The following AMPH variants were observed in gnomAD, a reference collection of about 807,000 sequenced individuals.
AMPH encodes amphiphysin (Stiff-Mann syndrome with breast cancer 128kD autoantigen).
Under a neutral mutation model 99.1 loss-of-function variants are expected in AMPH, and 49 were observed. The observed-to-expected ratio is 0.49, with a 90% CI of 0.39 to 0.63. AMPH has a LOEUF of 0.63. Ranked by LOEUF, AMPH falls within the 20% of genes least tolerant of loss-of-function variation. AMPH has a pLI of 0.00. For synonymous variants in AMPH, 314 were observed against 317.3 expected (o/e 0.99, Z 0.11); for missense variants, 759 against 863.4 (o/e 0.88, Z 1.52).
chr7:38,558,390 C>A (rs112340644), intron 1 of AMPH, among the ~76,000 whole-genome samples: 5 of 152,172 alleles, frequency 3.3e-5, no homozygotes, highest in Non-Finnish European at 7.4e-5. Context: ...AAAGAGAGAG[C>A]CTTTGGCAAT....
At chr7:38,497,647 G>T (rs921036201) in intron 3 of AMPH, among the ~76,000 whole-genome samples, 1 of 152,158 alleles carries the variant, frequency 6.6e-6, no homozygotes, top group African/African-American at 2.4e-5. Flanking sequence ...AAGCAGCAGC[G>T]ATAAACCATT....
At position 38,465,489 on chromosome 7, in the gene AMPH, A is replaced by G; in HGVS notation, c.727T>C (p.Phe243Leu). Residue 243 changes from phenylalanine (F) to leucine (L), a missense_variant, in exon 9 of 21, where the codon TTC (phenylalanine) becomes CTC (leucine). Phe to Leu is a conservative substitution (Grantham distance 22). This residue lies in a region of AMPH where 554 missense variants were observed against 575.6 expected (regional missense o/e 0.96). Transcript: ENST00000356264. ...TACCTGGGCGCTCCTTGGATGGTGA[A>G]GGCCTTGTCGGCGTGCTGGTCACCC... ...KLGDQHADKA[F>L]TIQGAPSDSG... The G allele has an allele frequency of 6.3e-7, 1 of 1,582,322 alleles. No individual in the cohort carries two copies. The highest frequency in any genetic ancestry group is 8.6e-7 in the Non-Finnish European group (1 of 1,162,236).
At chr7:38,423,363 C>T (rs1785660277) in intron 15 of AMPH, among the ~76,000 whole-genome samples, 1 of 152,126 alleles carries the variant, frequency 6.6e-6, no homozygotes, top group African/African-American at 2.4e-5. Flanking sequence ...AAACAGGAGA[C>T]CCAGGTGTCT....
chr7:38,475,498 T>C (rs1788046377), intron 6 of AMPH, 82 bp from the exon 7 acceptor site: 1 of 893,530 alleles, frequency 1.1e-6, no homozygotes, highest in African/African-American at 1.7e-5. Context: ...AAAATAAGAA[T>C]AGTCTTATGG....
At chr7:38,592,186 G>GGAATGCC (rs1212230115) in intron 1 of AMPH, among the ~76,000 whole-genome samples, 2 of 152,226 alleles carry the variant, frequency 1.3e-5, no homozygotes, top group Non-Finnish European at 2.9e-5. Flanking sequence ...TTGTGATTCA[G>GGAATGCC]GAATGCCTTT....
intron 1 of AMPH, among the ~76,000 whole-genome samples, chr7:38,626,158 T>C (rs1458907478): frequency 1.3e-5 from 2 of 152,056 alleles, no homozygotes; most frequent in Admixed American, 6.5e-5. Context: ...TTTTTCTTTC[T>C]TTTTTTTAAA....
At chr7:38,476,145 A>G (rs1562779904) in intron 6 of AMPH, among the ~76,000 whole-genome samples, 1 of 152,214 alleles carries the variant, frequency 6.6e-6, no homozygotes, top group Non-Finnish European at 1.5e-5. Flanking sequence ...ATGTTTATGG[A>G]AGAAGGCGAG....
At chr7:38,447,751 AACACACACAC>A (rs34380529) in intron 11 of AMPH, among the ~76,000 whole-genome samples, 1 of 139,656 alleles carries the variant, frequency 7.2e-6, no homozygotes, top group Non-Finnish European at 1.6e-5. Context: ...CAGACAGATA[AACACACACAC>A]ACACACACAC....
intron 2 of AMPH, 115 bp from the exon 3 acceptor site, chr7:38,503,819 A>T (rs902644086): frequency 9.8e-7 from 1 of 1,017,126 alleles, no homozygotes; most frequent in Non-Finnish European, 1.5e-6. Context: ...GGAAAAAAAC[A>T]TAAATATGTG....
At chr7:38,515,557 TC>T (rs138847613) in intron 2 of AMPH, among the ~76,000 whole-genome samples, 76 of 152,292 alleles carry the variant, frequency 5.0e-4, no homozygotes, top group African/African-American at 1.7e-3. Flanking sequence ...TAACCTCTTT[TC>T]TTTATAAATT....
intron 1 of AMPH, among the ~76,000 whole-genome samples, chr7:38,557,012 C>T (rs4427071): frequency 0.43 from 64,715 of 151,974 alleles, 15,232 homozygotes; most frequent in Non-Finnish European, 0.54. Context: ...TCATTGTCTT[C>T]GGACCACAAC....
At chr7:38,527,866 A>G (rs1790246928) in intron 2 of AMPH, among the ~76,000 whole-genome samples, 1 of 152,154 alleles carries the variant, frequency 6.6e-6, no homozygotes, top group Non-Finnish European at 1.5e-5. Flanking sequence ...TATGATATTA[A>G]CTGTACGTTA....
chr7:38,508,423 A>T (rs1217219603), intron 2 of AMPH, among the ~76,000 whole-genome samples: 1 of 152,216 alleles, frequency 6.6e-6, no homozygotes, highest in East Asian at 1.9e-4. Flanking sequence ...GCACTAACTT[A>T]TGTTTATAAG....
chr7:38,441,925 T>G (rs991787555), intron 11 of AMPH, among the ~76,000 whole-genome samples: 4 of 144,186 alleles, frequency 2.8e-5, no homozygotes, highest in African/African-American at 1.0e-4. Flanking sequence ...TATGCAGCCA[T>G]AAAAAGAATG....
In AMPH at chr7:38,422,504, A is replaced by T. The variant is rs34259047; in HGVS notation, c.1216-27T>A. ...TGAAAATCAAGGATAAAAATAGAAG[A>T]TGTTTTTTAAAGATATTTAAATCAG... is the stretch of plus-strand genomic sequence containing the variant. On this transcript the variant is annotated intron_variant, in intron 15 of 20. Transcript: ENST00000356264. The T allele has an allele frequency of 2.7e-3, 4,310 of 1,583,086 alleles. 13 individuals are homozygous for T. Among genetic ancestry groups the T allele is most frequent in the Non-Finnish European group, 3.3e-3 (3,795 of 1,152,534 alleles).
intron 1 of AMPH, among the ~76,000 whole-genome samples, chr7:38,618,401 A>G (rs756840850): frequency 2.0e-5 from 3 of 151,796 alleles, no homozygotes; most frequent in Non-Finnish European, 2.9e-5. Flanking sequence ...AGTCCCAGCT[A>G]CTCGGGAGGC....
intron 2 of AMPH, among the ~76,000 whole-genome samples, chr7:38,528,491 C>T (rs1031280671): frequency 5.3e-5 from 8 of 151,986 alleles, no homozygotes; most frequent in Non-Finnish European, 1.0e-4. Context: ...GAATTGATCC[C>T]CTGTGGTTGT....
At position 38,570,954 on chromosome 7, in the gene AMPH, T is replaced by G. The variant is rs1288972092; in HGVS notation, c.70-35943A>C. Among the ~76,000 whole-genome samples the G allele has an allele frequency of 5.0e-5, 4 of 79,970 alleles. 1 individual carries two copies. Among genetic ancestry groups the G allele is most frequent in the African/African-American group, 1.8e-4 (4 of 21,704 alleles). 52.5% of individuals were successfully genotyped at this position (79,970 alleles called of 152,430 possible). On this transcript the variant is annotated intron_variant, in intron 1 of 20. Coordinates refer to ENST00000356264, the MANE Select transcript of AMPH (RefSeq NM_001635.4). ...ATATATATATATATATTTATATATA[T>G]AGAATATATATATAGAATATATATA... is the stretch of plus-strand genomic sequence containing the variant.
At chr7:38,561,373 A>G (rs577635702) in intron 1 of AMPH, among the ~76,000 whole-genome samples, 1 of 152,226 alleles carries the variant, frequency 6.6e-6, no homozygotes, top group Non-Finnish European at 1.5e-5. Context: ...AAAGTGTCAT[A>G]TGTACAGCCC....
Sources: allele counts gnomAD v4.1 joint callset (sites outside exome capture counted in the v4.1 genomes callset), GRCh38; gene constraint gnomAD v4.1.1; regional missense constraint gnomAD v4.1.1; transcripts MANE v1.5; gene names NCBI Gene and HGNC (gene_info 2026-07-23, HGNC 2026-07-21).